The following C12orf42 variants were observed in gnomAD, a reference collection of about 807,000 sequenced individuals.
The protein encoded by C12orf42 is chromosome 12 open reading frame 42.
In C12orf42, 25 loss-of-function variants were observed where a neutral mutation model predicts 21.6. The ratio of observed to expected loss-of-function variants is 1.16; its 90% confidence interval spans 0.84 to 1.62. The LOEUF (loss-of-function observed/expected upper bound fraction) is 1.62. C12orf42 is among the 40% of genes most tolerant of loss of function. C12orf42 has a pLI of 0.00. For synonymous variants in C12orf42, 174 were observed against 175.0 expected, an observed-to-expected ratio of 0.99 and a Z score of 0.05; for missense variants, 483 against 459.3, an observed-to-expected ratio of 1.05 and a Z score of -0.47.
At chr12:103,180,262 C>T in the C12orf42 span, among the ~76,000 whole-genome samples, 2 of 151,966 alleles carry the variant, frequency 1.3e-5, no homozygotes, top group Non-Finnish European at 2.9e-5. Flanking sequence ...AATGCTATTA[C>T]AATTTCATGG....
intron 4 of C12orf42, among the ~76,000 whole-genome samples, 185 bp downstream of exon 4, chr12:103,368,702 G>A (rs1566170082): frequency 6.6e-6 from 1 of 152,064 alleles, no homozygotes; most frequent in Non-Finnish European, 1.5e-5. Context: ...ACTGGATCCA[G>A]CCATGCCCTA....
At chr12:103,488,155 T>G (rs971618972) in intron 1 of C12orf42, among the ~76,000 whole-genome samples, 6 of 152,230 alleles carry the variant, frequency 3.9e-5, no homozygotes, top group Admixed American at 1.3e-4. Flanking sequence ...GGCCTGGTGG[T>G]GATAAAATCT....
At chr12:103,476,225 G>A (rs1008416720) in intron 2 of C12orf42, among the ~76,000 whole-genome samples, 5 of 152,086 alleles carry the variant, frequency 3.3e-5, no homozygotes, top group Non-Finnish European at 7.3e-5. Context: ...TTTGTCCTGC[G>A]GAAAATAACA....
At chr12:103,315,981 T>A (rs567610998) in intron 4 of C12orf42, among the ~76,000 whole-genome samples, 1 of 150,186 alleles carries the variant, frequency 6.7e-6, no homozygotes, top group African/African-American at 2.4e-5. Flanking sequence ...TAGATATATA[T>A]ATATATACAC....
chr12:103,265,101 G>A (rs761435742), downstream of C12orf42, among the ~76,000 whole-genome samples: 14 of 152,122 alleles, frequency 9.2e-5, no homozygotes, highest in East Asian at 7.7e-4. Flanking sequence ...TTGTATCCTC[G>A]CATGGCAGAG....
At chr12:103,408,632 C>A (rs762239692) in intron 2 of C12orf42, among the ~76,000 whole-genome samples, 1 of 152,050 alleles carries the variant, frequency 6.6e-6, no homozygotes, top group Non-Finnish European at 1.5e-5. Flanking sequence ...CATTATCAGC[C>A]ACTGATTTCA....
At chr12:103,514,596 T>C in the C12orf42 span, among the ~76,000 whole-genome samples, 1 of 152,300 alleles carries the variant, frequency 6.6e-6, no homozygotes, top group Admixed American at 6.5e-5. Context: ...CTGAGTAAAG[T>C]GGCACCACTG....
At chr12:103,507,122 T>TA in the C12orf42 span, among the ~76,000 whole-genome samples, 7 of 16,596 alleles carry the variant, frequency 4.2e-4, no homozygotes, top group African/African-American at 2.5e-3. Context: ...TATATATTTA[T>TA]ATATAATATA....
At chr12:103,522,596 G>A in the C12orf42 span, among the ~76,000 whole-genome samples, 2 of 152,090 alleles carry the variant, frequency 1.3e-5, no homozygotes, top group Admixed American at 6.5e-5. Context: ...CGACCATTGG[G>A]ATATGGGAGC....
chr12:103,222,325 G>A, the C12orf42 span, among the ~76,000 whole-genome samples: 1 of 151,962 alleles, frequency 6.6e-6, no homozygotes, highest in African/African-American at 2.4e-5. Flanking sequence ...GGGGTTGCAA[G>A]GTGCTCAGTG....
chr12:103,360,856 G>A (rs1427443752), intron 4 of C12orf42, among the ~76,000 whole-genome samples: 1 of 152,126 alleles, frequency 6.6e-6, no homozygotes, highest in Non-Finnish European at 1.5e-5. Flanking sequence ...TCATCAAAGG[G>A]CACAAGCTAA....
the C12orf42 span, among the ~76,000 whole-genome samples, chr12:103,518,080 T>A: frequency 6.6e-6 from 1 of 152,182 alleles, no homozygotes; most frequent in Non-Finnish European, 1.5e-5. Flanking sequence ...TTTATCAGAA[T>A]ATAAGAGTTA....
chr12:103,310,118 G>A (rs1013961946), intron 4 of C12orf42, among the ~76,000 whole-genome samples: 9 of 152,198 alleles, frequency 5.9e-5, no homozygotes, highest in Non-Finnish European at 1.3e-4. Context: ...CCTGGTGGGA[G>A]GTGATTGGAT....
intron 10 of C12orf42, among the ~76,000 whole-genome samples, chr12:103,242,189 C>T (rs1340960058): frequency 6.6e-6 from 1 of 152,118 alleles, no homozygotes; most frequent in Non-Finnish European, 1.5e-5. Flanking sequence ...TGTTAACTTT[C>T]TTCTTAAGTG....
the C12orf42 span, among the ~76,000 whole-genome samples, chr12:103,173,535 G>A: frequency 6.6e-6 from 1 of 152,118 alleles, no homozygotes; most frequent in Non-Finnish European, 1.5e-5. Flanking sequence ...GCAGGTCTGA[G>A]TGCCTCATAC....
intron 5 of C12orf42, chr12:103,273,965 G>A: frequency 2.2e-6 from 1 of 455,356 alleles, no homozygotes; most frequent in Non-Finnish European, 4.4e-6. Flanking sequence ...GCTGTCCAGG[G>A]TCAAGAAAAA....
chr12:103,560,490 T>C, the C12orf42 span, among the ~76,000 whole-genome samples: 1 of 56,194 alleles, frequency 1.8e-5, no homozygotes, highest in African/African-American at 5.4e-5. Context: ...GGGGATAATG[T>C]AAGGATCCCT....
chr12:103,521,688 T>G, the C12orf42 span, among the ~76,000 whole-genome samples: 1 of 152,160 alleles, frequency 6.6e-6, no homozygotes, highest in Non-Finnish European at 1.5e-5. Context: ...AACTTAAAAT[T>G]TAATTTAATT....
chr12:103,484,676 G>T (rs1468853789), intron 1 of C12orf42, among the ~76,000 whole-genome samples: 4 of 152,172 alleles, frequency 2.6e-5, no homozygotes, highest in Admixed American at 2.0e-4. Flanking sequence ...GATCCAATTT[G>T]TCGATTTTGG....
Sources: allele counts gnomAD v4.1 joint callset (sites outside exome capture counted in the v4.1 genomes callset), GRCh38; gene constraint gnomAD v4.1.1; transcripts MANE v1.5; gene names NCBI Gene and HGNC (gene_info 2026-07-23, HGNC 2026-07-21).